Variants in SEMA3E observed in about 807,000 individuals in gnomAD.
SEMA3E encodes the protein semaphorin 3E, also known as semaphorin-3E.
SEMA3E carries 49 observed loss-of-function variants against 93.6 expected under a neutral mutation model. The observed-to-expected ratio is 0.52, with a 90% CI of 0.42 to 0.66. The LOEUF is 0.66. SEMA3E is among the 30% of genes least tolerant of loss of function. The pLI is 0.00. For missense variants in SEMA3E, 906 were observed against 964.8 expected (o/e 0.94, Z 0.81); for synonymous variants, 363 against 330.7 (o/e 1.10, Z -1.06).
intron 1 of SEMA3E, among the ~76,000 whole-genome samples, chr7:83,625,917 G>A (rs1793660717): frequency 6.6e-6 from 1 of 152,044 alleles, no homozygotes; most frequent in Non-Finnish European, 1.5e-5. Flanking sequence ...TAGCATGAAG[G>A]GGTGTTGAAT....
intron 1 of SEMA3E, among the ~76,000 whole-genome samples, chr7:83,606,418 A>C (rs1337858766): frequency 6.6e-6 from 1 of 151,692 alleles, no homozygotes; most frequent in Non-Finnish European, 1.5e-5. Context: ...TACACCATGG[A>C]ATACTATGCA....
intron 16 of SEMA3E, among the ~76,000 whole-genome samples, chr7:83,383,524 T>C (rs1787821836): frequency 6.6e-6 from 1 of 151,960 alleles, no homozygotes; most frequent in African/African-American, 2.4e-5. Context: ...GCTAGGTCCT[T>C]AAAAGCCAAG....
At chr7:83,433,764 C>T (rs1181683601) in intron 4 of SEMA3E, among the ~76,000 whole-genome samples, 1 of 151,986 alleles carries the variant, frequency 6.6e-6, no homozygotes, top group Non-Finnish European at 1.5e-5. Context: ...AAGACAAAGA[C>T]GATACATACC....
At chr7:83,472,377 C>A (rs1203261371) in intron 2 of SEMA3E, among the ~76,000 whole-genome samples, 1 of 151,976 alleles carries the variant, frequency 6.6e-6, no homozygotes, top group Admixed American at 6.6e-5. Context: ...GAAACCCACA[C>A]TGCAATAAAT....
chr7:83,573,307 TTTA>T (rs1792325189), intron 1 of SEMA3E, among the ~76,000 whole-genome samples: 2 of 152,180 alleles, frequency 1.3e-5, no homozygotes, highest in African/African-American at 2.4e-5. Context: ...TTTTGTCATT[TTTA>T]TTGTCTTCAG....
chr7:83,560,711 T>C (rs1181564082), intron 1 of SEMA3E, among the ~76,000 whole-genome samples: 1 of 152,022 alleles, frequency 6.6e-6, no homozygotes, highest in Non-Finnish European at 1.5e-5. Context: ...GATGATATTT[T>C]AGTCTTAAAA....
At chr7:83,469,173 G>T in intron 3 of SEMA3E, 70 bp downstream of exon 3, 3 of 1,273,950 alleles carry the variant, frequency 2.4e-6, no homozygotes, top group Non-Finnish European at 3.4e-6. Flanking sequence ...AAATTTCAGT[G>T]ATTCAGTTCT....
chr7:83,549,140 A>C (rs1212327224), intron 1 of SEMA3E, among the ~76,000 whole-genome samples: 1 of 152,166 alleles, frequency 6.6e-6, no homozygotes, highest in Non-Finnish European at 1.5e-5. Context: ...ATTCTACATA[A>C]TGAAAACTCA....
At chr7:83,468,471 G>T (rs890780599) in intron 3 of SEMA3E, among the ~76,000 whole-genome samples, 1 of 152,068 alleles carries the variant, frequency 6.6e-6, no homozygotes, top group East Asian at 1.9e-4. Flanking sequence ...CAACAGGAAT[G>T]TGCTGACTCA....
At chr7:83,567,264 C>T (rs1792180712) in intron 1 of SEMA3E, among the ~76,000 whole-genome samples, 1 of 152,074 alleles carries the variant, frequency 6.6e-6, no homozygotes, top group Non-Finnish European at 1.5e-5. Context: ...ATATATAAAA[C>T]AAATATTAGA....
chr7:83,521,467 TA>T (rs1207929465), intron 1 of SEMA3E, among the ~76,000 whole-genome samples: 2 of 152,196 alleles, frequency 1.3e-5, no homozygotes, highest in Admixed American at 1.3e-4. Flanking sequence ...AATTTTGTTT[TA>T]AGTTTCATTT....
intron 1 of SEMA3E, among the ~76,000 whole-genome samples, chr7:83,508,642 A>G (rs1157238969): frequency 6.6e-6 from 1 of 152,212 alleles, no homozygotes; most frequent in Non-Finnish European, 1.5e-5. Flanking sequence ...TGCAATATTT[A>G]TACTTCATAT....
In SEMA3E at chr7:83,454,296, T is replaced by A. The variant is rs867894521; in HGVS notation, c.456+12186A>T. On this transcript the variant is annotated intron_variant, in intron 4 of 16. Transcript: ENST00000643230. ...AAATATATATATATATATATATATA[T>A]AATGTGTGTATATATATTTGATAAA... is the stretch of plus-strand genomic sequence containing the variant. Among the ~76,000 whole-genome samples, 183 of 130,624 alleles carry A rather than the reference T, an allele frequency of 1.4e-3. 3 individuals carry two copies. The highest frequency in any genetic ancestry group is 4.1e-3 in the African/African-American group (145 of 35,016). 85.7% of individuals were successfully genotyped at this position (130,624 alleles called of 152,430 possible). A position where few individuals can be genotyped will look rare whatever the true frequency, so the allele number is the denominator to read the frequency against.
chr7:83,594,312 C>T (rs943629209), intron 1 of SEMA3E, among the ~76,000 whole-genome samples: 3 of 152,108 alleles, frequency 2.0e-5, no homozygotes, highest in Non-Finnish European at 2.9e-5. Context: ...CATAAGAGGG[C>T]ACCTGAATTT....
rs1327227181 is a variant in SEMA3E, at chr7:83,465,763, A to AGG, written c.456+717_456+718dup. On this transcript the variant is annotated intron_variant, in intron 4 of 16. Coordinates refer to ENST00000643230, the MANE Select transcript of SEMA3E (RefSeq NM_012431.3). ...ATGAGTATATTGTTTCATATGCTTC[A>AGG]GGGTAAAATTGTGATATAGAGTGCT... Among the ~76,000 whole-genome samples, 7 of 152,198 alleles carry AGG rather than the reference A, an allele frequency of 4.6e-5. No individual in the cohort carries two copies. The East Asian group carries it at 1.2e-3, about 25-fold the overall frequency.
At chr7:83,486,053 C>T (rs1361633890) in intron 2 of SEMA3E, among the ~76,000 whole-genome samples, 1 of 151,670 alleles carries the variant, frequency 6.6e-6, no homozygotes, top group Non-Finnish European at 1.5e-5. Context: ...GTGTGTGTGT[C>T]TTTTCTGTTT....
intron 1 of SEMA3E, among the ~76,000 whole-genome samples, chr7:83,593,024 C>A (rs1395168673): frequency 6.6e-6 from 1 of 151,958 alleles, no homozygotes; most frequent in African/African-American, 2.4e-5. Flanking sequence ...ACAATTACAG[C>A]TCACTGCAGC....
At chr7:83,545,282 C>T (rs1160674151) in intron 1 of SEMA3E, among the ~76,000 whole-genome samples, 1 of 151,988 alleles carries the variant, frequency 6.6e-6, no homozygotes, top group Non-Finnish European at 1.5e-5. Context: ...CTTCCTTTGT[C>T]TTCCAAGCCT....
chr7:83,535,975 T>C (rs1454880027), intron 1 of SEMA3E, among the ~76,000 whole-genome samples: 1 of 152,160 alleles, frequency 6.6e-6, no homozygotes, highest in Non-Finnish European at 1.5e-5. Context: ...TTAATCAAAC[T>C]TCCCCAAGTG....
Sources: gnomAD v4.1 joint callset for allele counts (sites outside exome capture counted in the v4.1 genomes callset) on GRCh38, gnomAD v4.1.1 for gene constraint, MANE v1.5 for transcripts, NCBI Gene and HGNC (gene_info 2026-07-23, HGNC 2026-07-21) for gene names.